The following OTOF variants were observed in gnomAD, a reference collection of about 807,000 sequenced individuals.
OTOF encodes otoferlin.
Under a neutral mutation model 236.8 loss-of-function variants are expected in OTOF, and 218 were observed. The ratio of observed to expected loss-of-function variants is 0.92; its 90% CI spans 0.82 to 1.03. The LOEUF (loss-of-function observed/expected upper bound fraction) is 1.03. Ranked by LOEUF, OTOF falls within the 50% of genes least tolerant of loss-of-function variation. The pLI, the probability that OTOF is intolerant of heterozygous loss-of-function variation, is 0.00. For missense variants in OTOF, 2,590 were observed against 2,694.4 expected (o/e 0.96, Z 0.86); for synonymous variants, 1,041 against 1,072.5 (o/e 0.97, Z 0.57).
chr2:26,488,677 C>T (rs1014153546), intron 11 of OTOF, among the ~76,000 whole-genome samples: 73 of 152,330 alleles, frequency 4.8e-4, no homozygotes, highest in African/African-American at 1.7e-3. Flanking sequence ...GCTCTGGGGA[C>T]ACACAGCCTG....
chr2:26,494,954 G>T lies in OTOF; in HGVS notation c.885C>A (p.Pro295=). 1 of 1,614,166 alleles carries T rather than the reference G, an allele frequency of 6.2e-7. No homozygotes were observed. Among genetic ancestry groups the T allele is most frequent in the Non-Finnish European group, 8.5e-7 (1 of 1,180,016 alleles). ...CAGGGCCACTGACCTCGTTGTAATA[G>T]GGGCAGTTAGTGGACTCCTTCATGG... The part of the protein sequence containing the change: ...YTSMKESTNC[P]YYNEYFVFDF... The change falls in exon 9 of 47, where the codon CCC becomes CCA. Residue 295 remains proline (P), a synonymous_variant. Coordinates refer to ENST00000272371, the MANE Select transcript of OTOF (RefSeq NM_194248.3).
intron 8 of OTOF, among the ~76,000 whole-genome samples, chr2:26,495,595 T>G (rs1244613435): frequency 6.6e-6 from 1 of 152,044 alleles, no homozygotes; most frequent in African/African-American, 2.4e-5. Flanking sequence ...CGGGCTAATT[T>G]TTGTCTTTTT....
intron 5 of OTOF, among the ~76,000 whole-genome samples, chr2:26,513,110 G>A (rs1468619100): frequency 1.3e-5 from 2 of 152,172 alleles, no homozygotes; most frequent in African/African-American, 4.8e-5. Flanking sequence ...AGGTGGAATC[G>A]TTGGGGCAGA....
chr2:26,480,990 G>T lies in OTOF; in HGVS notation c.1599C>A (p.Gly533=), dbSNP rs572088556. 6.2e-7 allele frequency: 1 copy of T among 1,612,790 alleles called. No individual in the cohort carries two copies. The highest frequency in any genetic ancestry group is 8.5e-7 in the Non-Finnish European group (1 of 1,179,946). The change falls in exon 15 of 47, where the codon GGC becomes GGA. Residue 533 remains glycine, a synonymous_variant. Coordinates refer to ENST00000272371, the MANE Select transcript of OTOF (RefSeq NM_194248.3). ...AGCCGTACATGTTCACCCAGGCTGG[G>T]CCCAGTGTGGGCAGGAAGCCTGTGG... ...DGDKGFLPTL[G]PAWVNMYGST...
chr2:26,480,681 C>T (rs1665512950), intron 15 of OTOF, 105 bp downstream of exon 15: 4 of 927,804 alleles, frequency 4.3e-6, no homozygotes, highest in Non-Finnish European at 6.9e-6. Flanking sequence ...TATGACTCCT[C>T]AGGTAGACAG....
chr2:26,484,927 T>C (rs1205254599), intron 11 of OTOF, among the ~76,000 whole-genome samples: 2 of 152,304 alleles, frequency 1.3e-5, no homozygotes, highest in East Asian at 3.9e-4. Flanking sequence ...GCCTCTTCTA[T>C]GGCCCCACCC....
rs1368357204 is a variant in OTOF at position 26,479,615 on chromosome 2, G to C, written c.1951C>G (p.Gln651Glu). ...GGCTCCTTCCGGGGCCGAGGCCGCT[G>C]GGGCCGGGACAGGCCATCAACTTCG... ...GNEVDGLSRP[Q>E]RPRPRKEPGD... Residue 651 changes from glutamine (Q) to glutamate (E), a missense_variant, in exon 17 of 47, where the codon CAG (glutamine) becomes GAG (glutamate). By Grantham distance (29) the Gln-to-Glu change is conservative. Transcript: ENST00000272371. 6.2e-7 allele frequency: 1 copy of C among 1,612,628 alleles called. No individual in the cohort carries two copies. Among genetic ancestry groups the C allele is most frequent in the African/African-American group, 1.3e-5 (1 of 75,070 alleles).
intron 9 of OTOF, among the ~76,000 whole-genome samples, chr2:26,490,736 GA>G (rs1052286637): frequency 7.2e-5 from 11 of 152,172 alleles, no homozygotes; most frequent in Non-Finnish European, 1.6e-4. Flanking sequence ...ATTATCCTAT[GA>G]ATGTGGAGAT....
rs749788772 is a variant in OTOF at position 26,516,460 on chromosome 2, G to C, written c.467C>G (p.Ser156Cys). The C allele has an allele frequency of 1.2e-6, 2 of 1,613,962 alleles. No individual in the cohort carries two copies. The highest frequency in any genetic ancestry group is 2.2e-5 in the East Asian group (1 of 44,870). Residue 156 changes from serine to cysteine, a missense_variant, in exon 5 of 47, where the codon TCC becomes TGC. By Grantham distance (112) the Ser-to-Cys change is moderately radical. This residue lies in a region of OTOF where 1,379 missense variants were observed against 1,341.6 expected (regional missense o/e 1.03). Coordinates refer to ENST00000272371, the MANE Select transcript of OTOF (RefSeq NM_194248.3). ...TCCTGGGGGCCGGGAGCTGGGCCGG[G>C]AGCCTGGGAGCAGTCCATCCGTCTC... ...SQETDGLLPG[S>C]RPSSRPPGEK... is the part of the protein sequence containing the mutation.
chr2:26,462,173 A>C lies in OTOF; in HGVS notation c.5201T>G (p.Leu1734Arg). ...ISPRKPKKYE[L>R]RVIIWNTDEV... ...ATCTGTGTTCCAGATGATGACCCGC[A>C]GCTCGTACCTGGGCCCAGGGAGAGA... The change falls in exon 42 of 47, where the codon CTG becomes CGG. Residue 1734 changes from leucine (L) to arginine (R), a missense_variant. Leu to Arg is a moderately radical substitution (Grantham distance 102). Coordinates refer to ENST00000272371, the MANE Select transcript of OTOF (RefSeq NM_194248.3). The surrounding 1 kb of genome is among the most constrained non-coding windows in gnomAD (Gnocchi z 4.7). The C allele has an allele frequency of 1.2e-6, 2 of 1,613,722 alleles. No homozygotes were observed. Among genetic ancestry groups the C allele is most frequent in the Non-Finnish European group, 1.7e-6 (2 of 1,179,848 alleles).
At chr2:26,533,015 T>C (rs1168711862) in intron 2 of OTOF, among the ~76,000 whole-genome samples, 1 of 152,164 alleles carries the variant, frequency 6.6e-6, no homozygotes, top group Non-Finnish European at 1.5e-5. Context: ...TACCAGTCCA[T>C]GGCCTGTTAG....
intron 46 of OTOF, among the ~76,000 whole-genome samples, chr2:26,458,677 T>C (rs1417806034): frequency 6.6e-6 from 1 of 152,128 alleles, no homozygotes. Flanking sequence ...ACCTGCCCAC[T>C]CTCAGGATGA....
rs756986607 is a variant in OTOF, at chr2:26,514,580, T to C, written c.509+1838A>G. 3.9e-5 allele frequency among the ~76,000 whole-genome samples: 6 copies of C among 152,322 alleles called. No individual in the cohort carries two copies. The East Asian group carries it at 1.2e-3, about 29-fold the overall frequency. ...GCTGCTAAGGGCTCCCAGGATGTTG[T>C]TTCCCATGGATGTGACCCACAGGTC... On this transcript the variant is annotated intron_variant, in intron 5 of 46. Transcript: ENST00000272371.
chr2:26,489,189 C>T, intron 11 of OTOF, 22 bp downstream of exon 11: 1 of 1,575,480 alleles, frequency 6.3e-7, no homozygotes, highest in East Asian at 2.3e-5. Flanking sequence ...CCTCGACTGA[C>T]TGGCCATGCG....
chr2:26,558,350 C>A, intron 1 of OTOF, 143 bp downstream of exon 1: 1 of 727,328 alleles, frequency 1.4e-6, no homozygotes, highest in Non-Finnish European at 2.5e-6. Flanking sequence ...AGATGACTAC[C>A]TGTGAAAAGG....
intron 5 of OTOF, among the ~76,000 whole-genome samples, chr2:26,504,343 G>T (rs926503609): frequency 2.6e-5 from 4 of 152,186 alleles, no homozygotes; most frequent in African/African-American, 9.7e-5. Flanking sequence ...AGAGGCCGAT[G>T]AGGAGATGGG....
intron 9 of OTOF, among the ~76,000 whole-genome samples, chr2:26,493,222 G>A (rs1331764019): frequency 6.6e-6 from 1 of 152,162 alleles, no homozygotes; most frequent in Non-Finnish European, 1.5e-5. Context: ...GTCAATTTGT[G>A]GTCACAAAGG....
chr2:26,549,979 A>T (rs961077428), intron 1 of OTOF, among the ~76,000 whole-genome samples: 1 of 152,130 alleles, frequency 6.6e-6, no homozygotes, highest in Admixed American at 6.5e-5. Context: ...AAGTGTGTAG[A>T]GTACCCATTC....
At chr2:26,555,605 G>T (rs946973224) in intron 1 of OTOF, among the ~76,000 whole-genome samples, 1 of 152,336 alleles carries the variant, frequency 6.6e-6, no homozygotes, top group East Asian at 1.9e-4. Context: ...CCAGCCAGAT[G>T]AGAACAGGAG....
Sources: gnomAD v4.1 joint callset for allele counts (sites outside exome capture counted in the v4.1 genomes callset) on GRCh38, gnomAD v4.1.1 for gene constraint, gnomAD v4.1.1 regional missense constraint, Gnocchi (gnomAD v3.1) non-coding constraint, MANE v1.5 for transcripts, NCBI Gene and HGNC (gene_info 2026-07-23, HGNC 2026-07-21) for gene names.